BRPF3: variants seen among roughly 807,000 people sequenced by gnomAD.
BRPF3 encodes the protein bromodomain and PHD finger containing 3, also known as bromodomain and PHD finger-containing protein 3.
A neutral mutation model predicts 102.0 loss-of-function variants in BRPF3; 18 were observed. The observed-to-expected ratio is 0.18, with a 90% CI of 0.12 to 0.26. The LOEUF (loss-of-function observed/expected upper bound fraction) is 0.26, where lower values mean the gene tolerates loss of function less well. BRPF3 is among the 10% of genes least tolerant of loss of function. The pLI, the probability that BRPF3 is intolerant of heterozygous loss-of-function variation, is 1.00. For missense variants in BRPF3, 1,147 were observed against 1,567.8 expected, an observed-to-expected ratio of 0.73 and a Z score of 4.53; for synonymous variants, 570 against 614.2, an observed-to-expected ratio of 0.93 and a Z score of 1.06.
In BRPF3 at chr6:36,201,078, C is replaced by T. The variant is rs370241202; in HGVS notation, c.756C>T (p.Gly252=). Residue 252 remains glycine (G), a synonymous_variant, in exon 2 of 13, where the codon GGC becomes GGT. Transcript: ENST00000357641. The surrounding 1 kb of genome is among the most constrained non-coding windows in gnomAD (Gnocchi z 5.1). ...ECYGVPYIPE[G]QWLCRCCLQS... ...ATGGCGTCCCATACATCCCTGAGGG[C>T]CAGTGGCTATGCCGCTGCTGCCTGC... The T allele has an allele frequency of 1.5e-4, 239 of 1,613,974 alleles. No homozygotes were observed. Among genetic ancestry groups the T allele is most frequent in the Non-Finnish European group, 1.8e-4 (218 of 1,180,016 alleles).
At chr6:36,216,388 T>C (rs953421888) in intron 8 of BRPF3, among the ~76,000 whole-genome samples, 2 of 152,176 alleles carry the variant, frequency 1.3e-5, no homozygotes, top group African/African-American at 4.8e-5. Context: ...TGAGGGGGCC[T>C]GTTGCTTGGA....
intron 1 of BRPF3, among the ~76,000 whole-genome samples, chr6:36,199,091 C>T (rs908893262): frequency 1.3e-5 from 2 of 152,150 alleles, no homozygotes; most frequent in African/African-American, 2.4e-5. Context: ...GTTGGTGTAT[C>T]CTGGATCAGG....
chr6:36,225,243 TCTC>T, intron 10 of BRPF3, 21 bp from the exon 11 acceptor site: 1 of 1,596,100 alleles, frequency 6.3e-7, no homozygotes, highest in Non-Finnish European at 8.5e-7. Flanking sequence ...TTGGGTGCTG[TCTC>T]CTCCCCTCCC....
rs1768919379 is a variant in BRPF3 at position 36,230,905 on chromosome 6, C to T, written c.*296C>T. 1 of 368,046 alleles carries T rather than the reference C, an allele frequency of 2.7e-6. No homozygotes were observed. The highest frequency in any genetic ancestry group is 5.0e-6 in the Non-Finnish European group (1 of 199,978). 22.8% of individuals were successfully genotyped at this position (368,046 alleles called of 1,614,324 possible). On this transcript the variant is annotated 3_prime_UTR_variant, in exon 13 of 13. Coordinates refer to ENST00000357641, the MANE Select transcript of BRPF3 (RefSeq NM_015695.3). The surrounding 1 kb of genome is among the most constrained non-coding windows in gnomAD (Gnocchi z 5.4). ...CTTGGGCCCAGCTTAGGAGATTGCC[C>T]AGATGGCAAGAGGTCCTGGGCTCCT...
intron 9 of BRPF3, 68 bp downstream of exon 9, chr6:36,218,078 C>T (rs1455119754): frequency 3.0e-6 from 4 of 1,340,526 alleles, no homozygotes; most frequent in Non-Finnish European, 4.2e-6. Flanking sequence ...CATTCAGCTA[C>T]AGATTGAACC....
At chr6:36,209,247 A>G (rs1364891048) in intron 4 of BRPF3, among the ~76,000 whole-genome samples, 1 of 152,096 alleles carries the variant, frequency 6.6e-6, no homozygotes, top group Non-Finnish European at 1.5e-5. Context: ...GGTTATCGTG[A>G]TGATTAATTG....
rs1461613824 is a variant in BRPF3 at position 36,217,952 on chromosome 6, G to A, written c.3025G>A (p.Gly1009Arg). ...TNGFGKHTES[G>R]SDSECSLGLS... is the part of the protein sequence containing the mutation. ...CGGCTTTGGAAAACACACCGAAAGC[G>A]GGTCTGACTCTGAATGTAGTTTGGG... The change falls in exon 9 of 13, where the codon GGG becomes AGG. Residue 1009 changes from glycine to arginine, a missense_variant. Physicochemically the swap from Gly to Arg is moderately radical, Grantham distance 125 (BLOSUM62 -2). Around this residue, in one of 11 missense-constraint regions of BRPF3, gnomAD observed 379 missense variants for 426.3 expected, o/e 0.89. Coordinates refer to ENST00000357641, the MANE Select transcript of BRPF3 (RefSeq NM_015695.3). 10 of 1,613,650 alleles carry A rather than the reference G, an allele frequency of 6.2e-6. No individual in the cohort carries two copies. The highest frequency in any genetic ancestry group is 1.1e-5 in the South Asian group (1 of 90,980).
Position 36,207,312 on chromosome 6 carries a change from G to T in BRPF3, c.1606-1G>T. The T allele has an allele frequency of 1.9e-6, 3 of 1,613,582 alleles. No individual in the cohort carries two copies. The highest frequency in any genetic ancestry group is 2.5e-6 in the Non-Finnish European group (3 of 1,179,814). Reference sequence around the variant, plus strand: ...AGTCCCTCTTCTCTTCCCTCCTGTAGCGAGAGCAGGATGAGAAGACAAGTG... The same window carrying T: ...AGTCCCTCTTCTCTTCCCTCCTGTATCGAGAGCAGGATGAGAAGACAAGTG... On this transcript the variant is annotated splice_acceptor_variant, in intron 3 of 12. Coordinates refer to ENST00000357641, the MANE Select transcript of BRPF3 (RefSeq NM_015695.3). LOFTEE classifies it high-confidence loss of function.
In BRPF3 at chr6:36,214,090, T is replaced by C; in HGVS notation, c.2693T>C (p.Leu898Ser). The C allele has an allele frequency of 6.2e-7, 1 of 1,614,206 alleles. No homozygotes were observed. The highest frequency in any genetic ancestry group is 1.1e-5 in the South Asian group (1 of 91,086). Reference protein sequence around the residue: ...LQLGNEPLQRLLSDNGINRLS... With the variant: ...LQLGNEPLQRSLSDNGINRLS... ...CTAGGGAATGAGCCTTTGCAACGCT[T>C]GCTCAGTGACAATGGCATCAACAGA... The change falls in exon 8 of 13, where the codon TTG becomes TCG. Residue 898 changes from leucine to serine, a missense_variant. Transcript: ENST00000357641.
At chr6:36,213,276 C>A (rs926302641) in intron 7 of BRPF3, among the ~76,000 whole-genome samples, 2 of 152,138 alleles carry the variant, frequency 1.3e-5, no homozygotes, top group South Asian at 2.1e-4. Flanking sequence ...AACAAAATAC[C>A]CTATCTTTAC....
chr6:36,196,875 G>C lies in BRPF3; in HGVS notation c.-122G>C, dbSNP rs1053667406. The C allele has an allele frequency of 6.6e-6, 1 of 151,740 alleles. No individual in the cohort carries two copies. The highest frequency in any genetic ancestry group is 1.5e-5 in the Non-Finnish European group (1 of 67,672). 9.4% of individuals were successfully genotyped at this position (151,740 alleles called of 1,614,324 possible). A position where few individuals can be genotyped will look rare whatever the true frequency, so the allele number is the denominator to read the frequency against. On this transcript the variant is annotated 5_prime_UTR_variant, in exon 1 of 13. Coordinates refer to ENST00000357641, the MANE Select transcript of BRPF3 (RefSeq NM_015695.3). ...GGCCACGGAGGCAGGCGCGGGAGAA[G>C]ACCGCGCTCCGCTTCCCGGGCCGCG...
Position 36,201,721 on chromosome 6 carries a change from A to C in BRPF3, c.1399A>C (p.Thr467Pro). Reference sequence around the variant, plus strand: ...GGAGCCAGAGGAAGCAGGCCAAGACACACCCTCCACTCTCCCCATGCTTGC... The same window carrying C: ...GGAGCCAGAGGAAGCAGGCCAAGACCCACCCTCCACTCTCCCCATGCTTGC... ...KKEPEEAGQD[T>P]PSTLPMLAVP... The change falls in exon 2 of 13, where the codon ACA (threonine) becomes CCA (proline). Residue 467 changes from threonine to proline, a missense_variant. Coordinates refer to ENST00000357641, the MANE Select transcript of BRPF3 (RefSeq NM_015695.3). This position sits in a 1 kb window ranked among gnomAD's most constrained non-coding sequence, Gnocchi z 5.1. The C allele has an allele frequency of 6.2e-7, 1 of 1,613,292 alleles. No homozygotes were observed. Among genetic ancestry groups the C allele is most frequent in the Non-Finnish European group, 8.5e-7 (1 of 1,179,598 alleles).
chr6:36,219,961 TG>T (rs1402184901), intron 9 of BRPF3, among the ~76,000 whole-genome samples: 2 of 152,246 alleles, frequency 1.3e-5, no homozygotes, highest in Admixed American at 1.3e-4. Context: ...ATTCAAATAT[TG>T]ATAACTGAAC....
chr6:36,209,196 G>T (rs1768007934), intron 4 of BRPF3, among the ~76,000 whole-genome samples: 1 of 151,978 alleles, frequency 6.6e-6, no homozygotes, highest in African/African-American at 2.4e-5. Context: ...TCCTTGTTCT[G>T]ATCCATATTT....
chr6:36,202,431 G>A (rs367592525), intron 2 of BRPF3, among the ~76,000 whole-genome samples: 43 of 44,000 alleles, frequency 9.8e-4, no homozygotes, highest in African/African-American at 3.0e-3. Flanking sequence ...CTCCGCCCCC[G>A]CCATTGAGTC....
chr6:36,208,875 T>C (rs1305092778), intron 4 of BRPF3, among the ~76,000 whole-genome samples: 1 of 152,262 alleles, frequency 6.6e-6, no homozygotes, highest in Non-Finnish European at 1.5e-5. Flanking sequence ...TACAGCATAC[T>C]ACTGTAAGTA....
At position 36,222,163 on chromosome 6, in the gene BRPF3, T is replaced by A; in HGVS notation, c.3084-5T>A. Reference sequence around the variant, plus strand: ...TTCACCCCTCTCTCCCTGCTCTGTGTGCAGTGGTCTGACGCCCCCCAAACG... The same window carrying A: ...TTCACCCCTCTCTCCCTGCTCTGTGAGCAGTGGTCTGACGCCCCCCAAACG... On this transcript the variant is annotated splice_region_variant and splice_polypyrimidine_tract_variant and intron_variant, in intron 9 of 12. Transcript: ENST00000357641. 1 of 1,550,170 alleles carries A rather than the reference T, an allele frequency of 6.5e-7. No individual in the cohort carries two copies. Among genetic ancestry groups the A allele is most frequent in the Non-Finnish European group, 8.7e-7 (1 of 1,147,014 alleles).
intron 9 of BRPF3, among the ~76,000 whole-genome samples, 167 bp from the exon 10 acceptor site, chr6:36,222,001 C>A (rs937822030): frequency 1.3e-5 from 2 of 152,080 alleles, no homozygotes; most frequent in Non-Finnish European, 2.9e-5. Flanking sequence ...ACTTTTCAGT[C>A]AAAAACATGG....
At chr6:36,198,871 T>C (rs1477510588) in intron 1 of BRPF3, among the ~76,000 whole-genome samples, 1 of 152,204 alleles carries the variant, frequency 6.6e-6, no homozygotes, top group Non-Finnish European at 1.5e-5. Context: ...ACTAGGACTT[T>C]CTCTTGGCTG....
Sources: gnomAD v4.1 joint callset for allele counts (sites outside exome capture counted in the v4.1 genomes callset) on GRCh38, gnomAD v4.1.1 for gene constraint, gnomAD v4.1.1 regional missense constraint, Gnocchi (gnomAD v3.1) non-coding constraint, MANE v1.5 for transcripts, NCBI Gene and HGNC (gene_info 2026-07-23, HGNC 2026-07-21) for gene names.